SLC16A2: variants seen among roughly 807,000 people sequenced by gnomAD.
SLC16A2 encodes solute carrier family 16 member 2, also known as monocarboxylate transporter 8.
Under a neutral mutation model 27.2 loss-of-function variants are expected in SLC16A2, and 3 were observed. The observed-to-expected ratio is 0.11, with a 90% CI of 0.05 to 0.28. The LOEUF (loss-of-function observed/expected upper bound fraction) is 0.28, where lower values mean the gene tolerates loss of function less well. SLC16A2 is among the 10% of genes least tolerant of loss of function. The pLI is 1.00. For missense variants in SLC16A2, 295 were observed against 458.5 expected (o/e 0.64, Z 3.26); for synonymous variants, 202 against 187.8 (o/e 1.08, Z -0.62).
chrX:74,532,008 A>T lies in SLC16A2; in HGVS notation c.*455A>T, dbSNP rs1930576999. The T allele has an allele frequency of 2.7e-5, 5 of 182,042 alleles. 1 individual carries two copies. The highest frequency in any genetic ancestry group is 2.2e-3 in the Middle Eastern group (1 of 453). 15.0% of individuals were successfully genotyped at this position (182,042 alleles called of 1,213,427 possible). On this transcript the variant is annotated 3_prime_UTR_variant, in exon 6 of 6. Coordinates refer to ENST00000587091, the MANE Select transcript of SLC16A2 (RefSeq NM_006517.5). The stretch of plus-strand genomic sequence containing the variant: ...TTTGGGAGCCACTGGGTGGAGGGGC[A>T]GGGAGGCAAAATGAGACAAGTAGCC...
chrX:74,479,059 G>C (rs745993992), intron 1 of SLC16A2, among the ~76,000 whole-genome samples: 1 of 111,864 alleles, frequency 8.9e-6, no homozygotes, highest in Non-Finnish European at 1.9e-5. Context: ...AGTTCTCCTG[G>C]ATAATATCCG....
chrX:74,481,304 G>T (rs1474228630), intron 1 of SLC16A2, among the ~76,000 whole-genome samples: 3 of 111,795 alleles, frequency 2.7e-5, no homozygotes. Flanking sequence ...TAAATATTCG[G>T]TAAAATTCAC....
At chrX:74,492,297 A>G (rs1034257610) in intron 1 of SLC16A2, among the ~76,000 whole-genome samples, 2 of 111,273 alleles carry the variant, frequency 1.8e-5, no homozygotes, top group Non-Finnish European at 3.8e-5. Flanking sequence ...AAGGAGCCTC[A>G]GGGAGGCTGA....
intron 4 of SLC16A2, among the ~76,000 whole-genome samples, chrX:74,528,137 T>C (rs1930513573): frequency 8.9e-6 from 1 of 112,320 alleles, no homozygotes; most frequent in African/African-American, 3.2e-5. Flanking sequence ...TAAGTTGGCT[T>C]GCTTGTGTGA....
At chrX:74,466,350 C>G (rs1929249784) in intron 1 of SLC16A2, among the ~76,000 whole-genome samples, 1 of 111,233 alleles carries the variant, frequency 9.0e-6, no homozygotes, top group East Asian at 2.8e-4. Flanking sequence ...TGTGGGAGAA[C>G]AGCCATCCCT....
At chrX:74,447,700 C>T (rs926798531) in intron 1 of SLC16A2, among the ~76,000 whole-genome samples, 6 of 104,919 alleles carry the variant, frequency 5.7e-5, no homozygotes, top group African/African-American at 1.4e-4. Context: ...AAAAAAAGGC[C>T]GAGCACAGTG....
intron 4 of SLC16A2, among the ~76,000 whole-genome samples, chrX:74,528,864 C>G (rs1171385926): frequency 1.8e-5 from 2 of 111,854 alleles, no homozygotes; most frequent in African/African-American, 6.5e-5. Context: ...GACCCTGATC[C>G]CTGGGGAAGC....
chrX:74,472,363 T>G (rs762140232), intron 1 of SLC16A2, among the ~76,000 whole-genome samples: 1 of 111,979 alleles, frequency 8.9e-6, no homozygotes, highest in Non-Finnish European at 1.9e-5. Context: ...CATTTTGAGC[T>G]AATTTCTATA....
At chrX:74,473,508 C>G in intron 1 of SLC16A2, 1 of 593,997 alleles carries the variant, frequency 1.7e-6, no homozygotes. Flanking sequence ...AAGGCAAAAT[C>G]CCTTTTCTTA....
At chrX:74,504,919 G>A (rs976710917) in intron 1 of SLC16A2, among the ~76,000 whole-genome samples, 19 of 111,724 alleles carry the variant, frequency 1.7e-4, no homozygotes, top group Non-Finnish European at 3.2e-4. Flanking sequence ...GAGCTTTGGA[G>A]GTTGAGGCTG....
intron 1 of SLC16A2, among the ~76,000 whole-genome samples, chrX:74,439,190 C>CTTTCTTTCTTTCTTTCTTTCTTTCTT (rs1357240164): frequency 2.9e-4 from 27 of 93,209 alleles, no homozygotes; most frequent in African/African-American, 1.0e-3. Context: ...CTTTCTTTTT[C>CTTTCTTTCTTTCTTTCTTTCTTTCTT]TTTCTTTCTT....
chrX:74,525,357 A>C (rs775371168), intron 3 of SLC16A2, among the ~76,000 whole-genome samples: 2 of 112,153 alleles, frequency 1.8e-5, no homozygotes, highest in African/African-American at 6.5e-5. Flanking sequence ...GTTTCCTAAA[A>C]CACACTTTGG....
At chrX:74,470,628 G>A (rs1929336796) in intron 1 of SLC16A2, among the ~76,000 whole-genome samples, 1 of 111,850 alleles carries the variant, frequency 8.9e-6, no homozygotes, top group African/African-American at 3.3e-5. Context: ...TTCTGGTGAG[G>A]TGTTCATTTA....
intron 1 of SLC16A2, among the ~76,000 whole-genome samples, chrX:74,499,221 G>T (rs1416111610): frequency 9.0e-6 from 1 of 110,852 alleles, no homozygotes; most frequent in African/African-American, 3.3e-5. Flanking sequence ...TGATTAGTCT[G>T]CTCTCAGAAA....
chrX:74,461,059 CAAAT>C (rs1190597561), intron 1 of SLC16A2, among the ~76,000 whole-genome samples: 4 of 112,178 alleles, frequency 3.6e-5, no homozygotes, highest in Admixed American at 9.5e-5. Context: ...ATATCTCAGA[CAAAT>C]AAGTTTCTTT....
rs775954771 is a variant in SLC16A2 at position 74,454,908 on chromosome X, A to T, written c.430+32841A>T. ...TAAATTTCAACTGTATTTCTTGTGT[A>T]TTGCTTCACATTTAGTTTTGTATAA... is the stretch of plus-strand genomic sequence containing the variant. On this transcript the variant is annotated intron_variant, in intron 1 of 5. Transcript: ENST00000587091. Among the ~76,000 whole-genome samples the T allele has an allele frequency of 1.8e-4, 20 of 110,661 alleles. 1 individual carries two copies. The South Asian group carries it at 7.9e-3, about 44-fold the overall frequency.
At chrX:74,438,948 C>T (rs1334619189) in intron 1 of SLC16A2, among the ~76,000 whole-genome samples, 1 of 111,617 alleles carries the variant, frequency 9.0e-6, no homozygotes, top group Non-Finnish European at 1.9e-5. Flanking sequence ...TATTTATAGC[C>T]ATGTTTGCAA....
At chrX:74,489,937 A>C (rs1929790477) in intron 1 of SLC16A2, among the ~76,000 whole-genome samples, 1 of 103,922 alleles carries the variant, frequency 9.6e-6, no homozygotes, top group African/African-American at 3.5e-5. Context: ...TTAAACATGA[A>C]ATTATAGAAG....
chrX:74,514,555 C>T (rs1569298189), intron 1 of SLC16A2, among the ~76,000 whole-genome samples: 1 of 111,344 alleles, frequency 9.0e-6, no homozygotes, highest in Admixed American at 9.6e-5. Context: ...GCCTACCCCT[C>T]CCCCATGGTG....
Sources: gnomAD v4.1 joint callset for allele counts (sites outside exome capture counted in the v4.1 genomes callset) on GRCh38, gnomAD v4.1.1 for gene constraint, MANE v1.5 for transcripts, NCBI Gene and HGNC (gene_info 2026-07-23, HGNC 2026-07-21) for gene names.